EFHC2: variants seen among roughly 807,000 people sequenced by gnomAD.
The protein encoded by EFHC2 is EF-hand domain containing 2.
In EFHC2, 18 loss-of-function variants were observed where a neutral mutation model predicts 52.7. The ratio of observed to expected loss-of-function variants is 0.34; its 90% CI spans 0.24 to 0.51. The LOEUF is 0.51. Among genes scored for constraint, EFHC2 ranks in the 20% least tolerant of loss-of-function variants. The probability of loss-of-function intolerance (pLI) is 0.97; values close to 1 mark genes in which losing one functional copy is unlikely to be tolerated. For missense variants in EFHC2, 513 were observed against 562.5 expected (o/e 0.91, Z 0.89); for synonymous variants, 203 against 204.1 (o/e 0.99, Z 0.04).
chrX:44,175,885 T>C (rs1362274861), intron 13 of EFHC2, among the ~76,000 whole-genome samples: 2 of 111,771 alleles, frequency 1.8e-5, no homozygotes, highest in African/African-American at 3.3e-5. Context: ...GTTTTACATC[T>C]GGTGCTCTAT....
intron 11 of EFHC2, among the ~76,000 whole-genome samples, chrX:44,186,485 C>G (rs1005328778): frequency 6.3e-5 from 7 of 111,744 alleles, no homozygotes; most frequent in African/African-American, 2.3e-4. Context: ...CTACCACTGC[C>G]TTTGCATTAA....
chrX:44,174,222 C>T (rs1337916195), intron 13 of EFHC2, among the ~76,000 whole-genome samples: 2 of 111,350 alleles, frequency 1.8e-5, no homozygotes, highest in Admixed American at 9.6e-5. Context: ...TTACGTCATT[C>T]GAGAGATAAG....
At chrX:44,193,689 T>G (rs1474698868) in intron 11 of EFHC2, among the ~76,000 whole-genome samples, 1 of 111,402 alleles carries the variant, frequency 9.0e-6, no homozygotes, top group Admixed American at 9.5e-5. Flanking sequence ...ATGGCATGCA[T>G]GTGTATGTGT....
intron 11 of EFHC2, among the ~76,000 whole-genome samples, chrX:44,208,478 G>T (rs149744245): frequency 3.6e-5 from 4 of 111,236 alleles, no homozygotes; most frequent in Non-Finnish European, 7.5e-5. Flanking sequence ...TAGACACTGA[G>T]GACTCCAAAA....
In EFHC2 at chrX:44,159,337, G is replaced by T. The variant is rs1427262427; in HGVS notation, c.2148+4585C>A. Among the ~76,000 whole-genome samples the T allele has an allele frequency of 2.7e-5, 3 of 111,457 alleles. No homozygotes were observed. The Admixed American group carries it at 2.9e-4, about 11-fold the overall frequency. ...AATAACATTTGAGCACACTTACATG[G>T]GTCAGTAGATATTATACTTTTTGCT... On this transcript the variant is annotated intron_variant, in intron 14 of 14. Coordinates refer to ENST00000420999, the MANE Select transcript of EFHC2 (RefSeq NM_025184.4).
At chrX:44,307,732 G>A (rs1292609001) in intron 2 of EFHC2, among the ~76,000 whole-genome samples, 1 of 110,769 alleles carries the variant, frequency 9.0e-6, no homozygotes, top group African/African-American at 3.3e-5. Flanking sequence ...TCAGGAGTTC[G>A]AGACCAGCCT....
intron 1 of EFHC2, among the ~76,000 whole-genome samples, chrX:44,320,294 A>C (rs1292883009): frequency 8.9e-6 from 1 of 111,777 alleles, no homozygotes. Context: ...TTAAGAGACA[A>C]AGAATAGTGA....
intron 11 of EFHC2, 60 bp from the exon 12 acceptor site, chrX:44,178,624 C>G (rs931625719): frequency 2.1e-6 from 2 of 939,700 alleles, no homozygotes; most frequent in African/African-American, 4.0e-5. Flanking sequence ...TATTTTACAT[C>G]TCCTTCTATT....
At chrX:44,165,901 C>T (rs1302976553) in intron 13 of EFHC2, among the ~76,000 whole-genome samples, 1 of 111,095 alleles carries the variant, frequency 9.0e-6, no homozygotes, top group Non-Finnish European at 1.9e-5. Flanking sequence ...CACTCTTGCC[C>T]CTTCTGCCAT....
intron 11 of EFHC2, among the ~76,000 whole-genome samples, chrX:44,182,920 T>C (rs1421991105): frequency 9.0e-6 from 1 of 111,160 alleles, no homozygotes; most frequent in East Asian, 2.8e-4. Context: ...GTCATAAGAC[T>C]CAAAAAAATG....
Position 44,248,982 on chromosome X carries a change from A to C in EFHC2, c.859-66T>G, listed in dbSNP as rs893375423. On this transcript the variant is annotated intron_variant, in intron 5 of 14. Transcript: ENST00000420999. ...CCATTCCCTTTCTTACTATAACCCC[A>C]GGGCTGGCATAGAGGTGGCACTCAA... is the stretch of plus-strand genomic sequence containing the variant. 49 of 757,881 alleles carry C rather than the reference A, an allele frequency of 6.5e-5. No individual in the cohort carries two copies. In the African/African-American group the frequency reaches 9.1e-4, roughly 14 times the overall value. The allele number at this position is 757,881 out of a possible 1,213,427, so 62.5% of individuals were successfully genotyped here. A position where few individuals can be genotyped will look rare whatever the true frequency, so the allele number is the denominator to read the frequency against.
chrX:44,193,568 C>T (rs897164840), intron 11 of EFHC2, among the ~76,000 whole-genome samples: 4 of 112,148 alleles, frequency 3.6e-5, no homozygotes, highest in Non-Finnish European at 5.6e-5. Flanking sequence ...TTCTCCTGTA[C>T]TGCGTGGTTT....
At chrX:44,328,590 CT>C (rs1488406844) in intron 1 of EFHC2, among the ~76,000 whole-genome samples, 1 of 112,090 alleles carries the variant, frequency 8.9e-6, no homozygotes, top group Admixed American at 9.5e-5. Context: ...TGACCCCCAC[CT>C]TTTTCTGCAT....
At chrX:44,213,774 C>T (rs1178967464) in intron 11 of EFHC2, among the ~76,000 whole-genome samples, 1 of 111,478 alleles carries the variant, frequency 9.0e-6, no homozygotes, top group African/African-American at 3.3e-5. Context: ...ATCAGTAATT[C>T]CAAAAGGGAA....
rs1488793082 is a variant in EFHC2 at position 44,148,107 on chromosome X, G to C, written c.*688C>G. The C allele has an allele frequency of 9.1e-6, 1 of 109,977 alleles. No homozygotes were observed. The highest frequency in any genetic ancestry group is 2.8e-4 in the East Asian group (1 of 3,527). 9.1% of individuals were successfully genotyped at this position (109,977 alleles called of 1,213,427 possible). A position where few individuals can be genotyped will look rare whatever the true frequency, so the allele number is the denominator to read the frequency against. On this transcript the variant is annotated 3_prime_UTR_variant, in exon 15 of 15. Transcript: ENST00000420999. ...TTGTAAATATTTTAGACATAATAAA[G>C]TTTTGGTCAAACTATAATTATACAC...
At chrX:44,283,566 A>G (rs1265224341) in intron 2 of EFHC2, among the ~76,000 whole-genome samples, 2 of 92,522 alleles carry the variant, frequency 2.2e-5, no homozygotes, top group African/African-American at 4.4e-5. Context: ...GGGAAGTTGC[A>G]CAGCGCAAAA....
At chrX:44,166,328 G>C (rs1235696487) in intron 13 of EFHC2, among the ~76,000 whole-genome samples, 2 of 111,331 alleles carry the variant, frequency 1.8e-5, no homozygotes, top group Non-Finnish European at 3.8e-5. Context: ...ATGTAAGAGA[G>C]AGAGGGAAAA....
chrX:44,248,873 C>T lies in EFHC2; in HGVS notation c.902G>A (p.Arg301Gln), dbSNP rs548939300. 1.7e-5 allele frequency: 20 copies of T among 1,206,147 alleles called. No individual in the cohort carries two copies. In the South Asian group the frequency reaches 2.5e-4, roughly 15 times the overall value. The stretch of plus-strand genomic sequence containing the variant: ...GTCACCATATGAATTGAGAACTGCT[C>T]GATCTGTTATCTGGCCTGGTTGATA... ...RVYQPGQITD[R>Q]AVLNSYGDFI... The change falls in exon 6 of 15, where the codon CGA becomes CAA. Residue 301 changes from arginine to glutamine, a missense_variant. Arg to Gln is a conservative substitution (Grantham distance 43). Transcript: ENST00000420999.
intron 4 of EFHC2, among the ~76,000 whole-genome samples, chrX:44,260,056 A>C (rs1320300709): frequency 1.8e-5 from 2 of 111,776 alleles, no homozygotes; most frequent in Non-Finnish European, 3.8e-5. Flanking sequence ...TAAGTTTTAA[A>C]ACAATAAAAA....
Sources: allele counts gnomAD v4.1 joint callset (sites outside exome capture counted in the v4.1 genomes callset), GRCh38; gene constraint gnomAD v4.1.1; transcripts MANE v1.5; gene names NCBI Gene and HGNC (gene_info 2026-07-23, HGNC 2026-07-21).